CSNK1G1: variants seen among roughly 807,000 people sequenced by gnomAD.
CSNK1G1 encodes the protein casein kinase 1 gamma 1.
Under a neutral mutation model 59.6 loss-of-function variants are expected in CSNK1G1, and 22 were observed. The ratio of observed to expected loss-of-function variants is 0.37; its 90% CI spans 0.26 to 0.53. The LOEUF is 0.53. Ranked by LOEUF, CSNK1G1 falls within the 20% of genes least tolerant of loss-of-function variation. The pLI, the probability that CSNK1G1 is intolerant of heterozygous loss-of-function variation, is 0.89. For synonymous variants in CSNK1G1, 179 were observed against 177.1 expected, an observed-to-expected ratio of 1.01 and a Z score of -0.08; for missense variants, 384 against 519.5, an observed-to-expected ratio of 0.74 and a Z score of 2.54.
chr15:64,238,169 G>A (rs2082640469), intron 4 of CSNK1G1, among the ~76,000 whole-genome samples: 1 of 151,964 alleles, frequency 6.6e-6, no homozygotes, highest in Admixed American at 6.6e-5. Flanking sequence ...CCAGTTAAAA[G>A]CTTTTATGAC....
chr15:64,207,601 G>A lies in CSNK1G1; in HGVS notation c.680-7C>T, dbSNP rs2082198964. The A allele has an allele frequency of 6.2e-7, 1 of 1,605,874 alleles. No homozygotes were observed. The highest frequency in any genetic ancestry group is 8.5e-7 in the Non-Finnish European group (1 of 1,172,660). ...TCATCTCTCCGGCTTTGCTCTAAAA[G>A]GGAAGACAGATCACACATTATGTTT... On this transcript the variant is annotated splice_region_variant and splice_polypyrimidine_tract_variant and intron_variant, in intron 6 of 11. Coordinates refer to ENST00000303052, the MANE Select transcript of CSNK1G1 (RefSeq NM_022048.5).
chr15:64,230,241 T>A (rs893218771), intron 4 of CSNK1G1, among the ~76,000 whole-genome samples: 3 of 151,852 alleles, frequency 2.0e-5, no homozygotes, highest in Non-Finnish European at 4.4e-5. Flanking sequence ...AAACAGGAAA[T>A]GCTGAGTCAA....
Position 64,231,607 on chromosome 15 carries a change from G to T in CSNK1G1, c.293-14894C>A, listed in dbSNP as rs74448745. Among the ~76,000 whole-genome samples the T allele has an allele frequency of 3.0e-3, 453 of 151,568 alleles. 1 individual carries two copies. The highest frequency in any genetic ancestry group is 0.011 in the African/African-American group (436 of 41,358). Reference sequence around the variant, plus strand: ...GAGACATAGCAGCCTCTGGGACTTGGTTTATTTTTTGTACTTGGAAAGCTT... The same window carrying T: ...GAGACATAGCAGCCTCTGGGACTTGTTTTATTTTTTGTACTTGGAAAGCTT... On this transcript the variant is annotated intron_variant, in intron 4 of 11. Transcript: ENST00000303052.
At chr15:64,180,119 A>G (rs1331270160) in intron 11 of CSNK1G1, 8 of 515,436 alleles carry the variant, frequency 1.6e-5, no homozygotes, top group Non-Finnish European at 2.8e-5. Flanking sequence ...TCGGTTCACT[A>G]TGTCTTTTTC....
chr15:64,278,430 A>T (rs1447536339), intron 2 of CSNK1G1, among the ~76,000 whole-genome samples: 14,644 of 120,746 alleles, frequency 0.12, 1,190 homozygotes, highest in African/African-American at 0.24. Context: ...ATATATATAT[A>T]TATTTTTTTT....
chr15:64,254,632 G>A (rs1892274340), intron 3 of CSNK1G1, among the ~76,000 whole-genome samples: 1 of 152,182 alleles, frequency 6.6e-6, no homozygotes, highest in Non-Finnish European at 1.5e-5. Context: ...GATTACAGGT[G>A]TGAGCCACTG....
intron 2 of CSNK1G1, among the ~76,000 whole-genome samples, chr15:64,297,717 A>C (rs2140397665): frequency 6.6e-6 from 1 of 152,018 alleles, no homozygotes; most frequent in African/African-American, 2.4e-5. Context: ...AAAAAGAATA[A>C]GAAGAAATGC....
chr15:64,188,457 C>T lies in CSNK1G1; in HGVS notation c.1108-8003G>A. On this transcript the variant is annotated intron_variant, in intron 10 of 11. Coordinates refer to ENST00000303052, the MANE Select transcript of CSNK1G1 (RefSeq NM_022048.5). This position sits in a 1 kb window ranked among gnomAD's most constrained non-coding sequence, Gnocchi z 4.2. ...GGTCTGCCGGCTGGGCTGAATTTCC[C>T]ACTCTCCTCGGCGCTCTGATGATAC... 1 of 1,536,138 alleles carries T rather than the reference C, an allele frequency of 6.5e-7. No individual in the cohort carries two copies.
chr15:64,323,419 G>T (rs1896669197), intron 1 of CSNK1G1, among the ~76,000 whole-genome samples: 1 of 151,414 alleles, frequency 6.6e-6, no homozygotes, highest in East Asian at 1.9e-4. Context: ...AGACTGGAGT[G>T]CAATGGCGCA....
At chr15:64,326,522 T>C (rs372632799) in intron 1 of CSNK1G1, among the ~76,000 whole-genome samples, 2 of 151,934 alleles carry the variant, frequency 1.3e-5, no homozygotes, top group Non-Finnish European at 2.9e-5. Context: ...CAGGCACCTT[T>C]AATCCCAGCC....
intron 2 of CSNK1G1, among the ~76,000 whole-genome samples, chr15:64,288,431 C>T (rs1053513644): frequency 4.0e-5 from 6 of 151,482 alleles, no homozygotes; most frequent in Non-Finnish European, 7.4e-5. Context: ...GGTATCTAGA[C>T]GACATGGATA....
At chr15:64,303,457 A>G (rs1317465443) in intron 1 of CSNK1G1, among the ~76,000 whole-genome samples, 2 of 151,812 alleles carry the variant, frequency 1.3e-5, no homozygotes, top group Non-Finnish European at 2.9e-5. Context: ...TCTACAAAAA[A>G]TTTAAAAATT....
chr15:64,343,377 T>C (rs1897781815), intron 1 of CSNK1G1, among the ~76,000 whole-genome samples: 1 of 152,160 alleles, frequency 6.6e-6, no homozygotes. Context: ...GTACACTTTC[T>C]TGCTTTTCCA....
At chr15:64,296,448 T>C (rs1005287171) in intron 2 of CSNK1G1, among the ~76,000 whole-genome samples, 3 of 152,202 alleles carry the variant, frequency 2.0e-5, no homozygotes, top group Admixed American at 2.0e-4. Context: ...TCACTTTGTA[T>C]TGCAATTTGT....
At chr15:64,217,539 G>A (rs1962018325) in intron 4 of CSNK1G1, among the ~76,000 whole-genome samples, 2 of 152,242 alleles carry the variant, frequency 1.3e-5, no homozygotes, top group African/African-American at 2.4e-5. Context: ...GATTACAGAC[G>A]CCAGGCGCAG....
chr15:64,286,365 T>C (rs891796609), intron 2 of CSNK1G1, among the ~76,000 whole-genome samples: 1 of 151,346 alleles, frequency 6.6e-6, no homozygotes. Context: ...AACATGTTAT[T>C]GTTAACAATA....
chr15:64,241,442 C>A (rs1261455004), intron 4 of CSNK1G1, among the ~76,000 whole-genome samples: 3 of 152,264 alleles, frequency 2.0e-5, no homozygotes, highest in Non-Finnish European at 4.4e-5. Context: ...ATTTAAACAT[C>A]ACTTTAGACC....
intron 6 of CSNK1G1, among the ~76,000 whole-genome samples, chr15:64,211,530 T>A (rs1295928796): frequency 6.6e-6 from 1 of 152,002 alleles, no homozygotes; most frequent in Non-Finnish European, 1.5e-5. Flanking sequence ...CACCAAGAGA[T>A]GAAACAGACT....
At chr15:64,203,259 T>TTA in intron 9 of CSNK1G1, 70 bp from the exon 10 acceptor site, 1 of 944,686 alleles carries the variant, frequency 1.1e-6, no homozygotes, top group Non-Finnish European at 1.7e-6. Flanking sequence ...AAGGACAGAA[T>TTA]GATTCTAATT....
Sources: gnomAD v4.1 joint callset for allele counts (sites outside exome capture counted in the v4.1 genomes callset) on GRCh38, gnomAD v4.1.1 for gene constraint, Gnocchi (gnomAD v3.1) non-coding constraint, MANE v1.5 for transcripts, NCBI Gene and HGNC (gene_info 2026-07-23, HGNC 2026-07-21) for gene names.